Variants in TMCC3 observed in about 807,000 individuals in gnomAD.
TMCC3 encodes the protein transmembrane and coiled-coil domain protein 3.
A neutral mutation model predicts 40.2 loss-of-function variants in TMCC3; 28 were observed. The ratio of observed to expected loss-of-function variants is 0.70; its 90% CI spans 0.52 to 0.95. The LOEUF (loss-of-function observed/expected upper bound fraction) is 0.95, where lower values mean the gene tolerates loss of function less well. Among genes scored for constraint, TMCC3 ranks in the 40% least tolerant of loss-of-function variants. The pLI, the probability that TMCC3 is intolerant of heterozygous loss-of-function variation, is 0.00. For missense variants in TMCC3, 554 were observed against 615.2 expected, an observed-to-expected ratio of 0.90 and a Z score of 1.05; for synonymous variants, 255 against 248.5, an observed-to-expected ratio of 1.03 and a Z score of -0.25.
At chr12:94,579,712 C>T (rs915386313) in intron 2 of TMCC3, among the ~76,000 whole-genome samples, 14 of 152,284 alleles carry the variant, frequency 9.2e-5, no homozygotes, top group Non-Finnish European at 1.6e-4. Flanking sequence ...TGCTTATTCT[C>T]AGGCATGACT....
At chr12:94,579,998 T>C (rs1446892975) in intron 2 of TMCC3, among the ~76,000 whole-genome samples, 3 of 152,152 alleles carry the variant, frequency 2.0e-5, no homozygotes, top group Non-Finnish European at 4.4e-5. Flanking sequence ...ATTCCAAAGA[T>C]GCATATGGAA....
intron 1 of TMCC3, among the ~76,000 whole-genome samples, chr12:94,621,158 CACAGCA>C (rs1035059536): frequency 6.6e-6 from 1 of 152,174 alleles, no homozygotes. Flanking sequence ...CCAAAAGAAA[CACAGCA>C]CAGAGAATTC....
chr12:94,599,567 C>T (rs557554633), intron 1 of TMCC3, among the ~76,000 whole-genome samples: 3 of 135,176 alleles, frequency 2.2e-5, no homozygotes, highest in Non-Finnish European at 4.8e-5. Flanking sequence ...CCCCCCCCCC[C>T]GCCCACACAC....
intron 1 of TMCC3, among the ~76,000 whole-genome samples, chr12:94,649,668 C>T (rs533391354): frequency 2.0e-5 from 3 of 152,338 alleles, no homozygotes; most frequent in African/African-American, 7.2e-5. Flanking sequence ...CTGCGGCCTC[C>T]GTCTTTATTT....
rs145114041 is a variant in TMCC3 at position 94,640,740 on chromosome 12, G to A, written c.78+9613C>T. Among the ~76,000 whole-genome samples the A allele has an allele frequency of 4.7e-3, 708 of 152,222 alleles. 3 individuals carry two copies. The highest frequency in any genetic ancestry group is 0.012 in the African/African-American group (482 of 41,532). On this transcript the variant is annotated intron_variant, in intron 1 of 3. Transcript: ENST00000261226. ...ATGTTGTAATGGGTTTCCCAACACC[G>A]CTTCTAATGGCTGCTCACAAAGCCG...
At chr12:94,623,170 G>T (rs184530942) in intron 1 of TMCC3, among the ~76,000 whole-genome samples, 69 of 151,024 alleles carry the variant, frequency 4.6e-4, no homozygotes, top group African/African-American at 1.6e-3. Context: ...GAAAAGAAAA[G>T]ATATTCTAAA....
At chr12:94,614,761 ATT>A (rs559601163) in intron 1 of TMCC3, among the ~76,000 whole-genome samples, 35 of 134,742 alleles carry the variant, frequency 2.6e-4, no homozygotes, top group Non-Finnish European at 2.9e-4. Context: ...CAACAGACAG[ATT>A]TTTTTTTTTT....
At position 94,581,709 on chromosome 12, in the gene TMCC3, TG is replaced by T. The variant is rs2068602616; in HGVS notation, c.907del (p.Gln303SerfsTer9). 1 of 1,614,118 alleles carries T rather than the reference TG, an allele frequency of 6.2e-7. No individual in the cohort carries two copies. Among genetic ancestry groups the T allele is most frequent in the Admixed American group, 1.7e-5 (1 of 60,008 alleles). On this transcript the variant is annotated frameshift_variant, in exon 2 of 4. Coordinates refer to ENST00000261226, the MANE Select transcript of TMCC3 (RefSeq NM_020698.4). LOFTEE classifies it high-confidence loss of function. ...CAGTGCCTCGATGTCCTCAGCCAGC[TG>T]AGCTTGGGTATCCTTGATCTCCCTC... The part of the protein sequence containing the change: ...ELREIKDTQA[Q>X]LAEDIEALKV...
intron 1 of TMCC3, among the ~76,000 whole-genome samples, chr12:94,588,625 C>T (rs7963870): frequency 0.63 from 95,709 of 151,994 alleles, 30,158 homozygotes; most frequent in Admixed American, 0.66. Context: ...AGGACCTGCA[C>T]GTTCAATACC....
chr12:94,606,542 T>G (rs528624732), intron 1 of TMCC3, among the ~76,000 whole-genome samples: 7 of 152,140 alleles, frequency 4.6e-5, no homozygotes, highest in Admixed American at 4.6e-4. Context: ...AATTTTTGTA[T>G]TTTTAGTAGA....
rs543623954 is a variant in TMCC3, at chr12:94,603,951, C to T, written c.79-21413G>A. On this transcript the variant is annotated intron_variant, in intron 1 of 3. Transcript: ENST00000261226. Reference sequence around the variant, plus strand: ...CACTTAAATTTCATTAGCATGTCAACCTGTAATGCATTTTGTCAGCTCTTT... The same window carrying T: ...CACTTAAATTTCATTAGCATGTCAATCTGTAATGCATTTTGTCAGCTCTTT... 5.9e-5 allele frequency among the ~76,000 whole-genome samples: 9 copies of T among 152,240 alleles called. No homozygotes were observed. The South Asian group carries it at 1.5e-3, about 25-fold the overall frequency.
At chr12:94,596,525 T>C (rs1418616393) in intron 1 of TMCC3, among the ~76,000 whole-genome samples, 1 of 152,204 alleles carries the variant, frequency 6.6e-6, no homozygotes, top group East Asian at 1.9e-4. Context: ...CCAGCTAGGA[T>C]TGACTGCTTC....
intron 1 of TMCC3, among the ~76,000 whole-genome samples, chr12:94,597,578 G>A (rs1301396625): frequency 6.6e-6 from 1 of 152,242 alleles, no homozygotes; most frequent in East Asian, 1.9e-4. Flanking sequence ...GCTGAGGCAG[G>A]TGGATCACCT....
intron 1 of TMCC3, among the ~76,000 whole-genome samples, chr12:94,618,736 G>A (rs530983180): frequency 5.3e-5 from 8 of 152,224 alleles, no homozygotes; most frequent in African/African-American, 1.9e-4. Context: ...ACTCTGGGTG[G>A]TTCCCATTAA....
intron 1 of TMCC3, chr12:94,644,502 G>A (rs767470062): frequency 2.2e-6 from 2 of 920,180 alleles, no homozygotes; most frequent in Non-Finnish European, 2.6e-6. Flanking sequence ...TGTGACAGGC[G>A]GGTGAGCTGG....
chr12:94,621,922 C>G (rs983804579), intron 1 of TMCC3, among the ~76,000 whole-genome samples: 2 of 152,144 alleles, frequency 1.3e-5, no homozygotes, highest in African/African-American at 4.8e-5. Flanking sequence ...GGTAAAGTGT[C>G]CAACGTCAAC....
intron 3 of TMCC3, among the ~76,000 whole-genome samples, chr12:94,574,316 A>G (rs984701303): frequency 6.6e-6 from 1 of 151,654 alleles, no homozygotes; most frequent in Non-Finnish European, 1.5e-5. Context: ...TGAACCCAGG[A>G]GGCGGAGGTT....
At chr12:94,625,213 G>T (rs1312676524) in intron 1 of TMCC3, among the ~76,000 whole-genome samples, 1 of 151,318 alleles carries the variant, frequency 6.6e-6, no homozygotes, top group Non-Finnish European at 1.5e-5. Context: ...TTCCAAATAA[G>T]GTAATGTTGT....
At chr12:94,639,668 A>AACACACACACACACACAC (rs3073591) in intron 1 of TMCC3, among the ~76,000 whole-genome samples, 38 of 124,138 alleles carry the variant, frequency 3.1e-4, no homozygotes, top group African/African-American at 1.1e-3. Context: ...CATATATGTA[A>AACACACACACACACACAC]ACACACACAC....
Sources: gnomAD v4.1 joint callset for allele counts (sites outside exome capture counted in the v4.1 genomes callset) on GRCh38, gnomAD v4.1.1 for gene constraint, MANE v1.5 for transcripts, NCBI Gene and HGNC (gene_info 2026-07-23, HGNC 2026-07-21) for gene names.